Variants in CWF19L2 observed in about 807,000 individuals in gnomAD.
The protein encoded by CWF19L2 is CWF19 like cell cycle control factor 2.
Under a neutral mutation model 111.7 loss-of-function variants are expected in CWF19L2, and 98 were observed. That is an observed-to-expected ratio of 0.88 (90% CI 0.75 to 1.04). CWF19L2 has a LOEUF of 1.04. Among genes scored for constraint, CWF19L2 ranks in the 50% least tolerant of loss-of-function variants. The probability of loss-of-function intolerance (pLI) is 0.00; values close to 1 mark genes in which losing one functional copy is unlikely to be tolerated. For synonymous variants in CWF19L2, 351 were observed against 342.9 expected (o/e 1.02, Z -0.26); for missense variants, 1,101 against 1,051.4 (o/e 1.05, Z -0.65).
chr11:107,416,934 T>C (rs1365175704), intron 9 of CWF19L2, among the ~76,000 whole-genome samples: 3 of 152,212 alleles, frequency 2.0e-5, no homozygotes, highest in Non-Finnish European at 4.4e-5. Context: ...CTTTCAAAGC[T>C]CAAACTTTAC....
chr11:107,389,953 G>T, intron 12 of CWF19L2, 121 bp downstream of exon 12: 1 of 822,308 alleles, frequency 1.2e-6, no homozygotes, highest in Non-Finnish European at 1.9e-6. Context: ...TCTTACAAAG[G>T]ATTTAATTTA....
rs66699460 is a variant in CWF19L2 at position 107,380,046 on chromosome 11, CAAAAAA to C, written c.1872+10022_1872+10027del. On this transcript the variant is annotated intron_variant, in intron 12 of 17. Transcript: ENST00000282251. Reference sequence around the variant, plus strand: ...TGGGCGACAGAGCGAGACACCGTCTCAAAAAAAAAAAAAAAAAAAAAAAAAATCAGA... The same window carrying C: ...TGGGCGACAGAGCGAGACACCGTCTCAAAAAAAAAAAAAAAAAAAATCAGA... Among the ~76,000 whole-genome samples the C allele has an allele frequency of 1.4e-3, 48 of 34,488 alleles. 1 individual carries two copies. The highest frequency in any genetic ancestry group is 4.3e-3 in the African/African-American group (41 of 9,442). The allele number at this position is 34,488 out of a possible 152,430, so 22.6% of individuals were successfully genotyped here. A position where few individuals can be genotyped will look rare whatever the true frequency, so the allele number is the denominator to read the frequency against.
rs1441063814 is a variant in CWF19L2, at chr11:107,428,967, G to A, written c.1265C>T (p.Ser422Phe). 1 of 1,613,344 alleles carries A rather than the reference G, an allele frequency of 6.2e-7. No homozygotes were observed. The highest frequency in any genetic ancestry group is 8.5e-7 in the Non-Finnish European group (1 of 1,179,754). ...SEERLTSWSR[S>F]DGRGDKKHSN... ...ATGTTTCTTGTCTCCTCTCCCATCA[G>A]AGCGACTCCATGATGTTAATCTTTC... Residue 422 changes from serine (S) to phenylalanine (F), a missense_variant, in exon 8 of 18, where the codon TCT becomes TTT. By Grantham distance (155) the Ser-to-Phe change is radical (BLOSUM62 -2). Transcript: ENST00000282251.
rs551692544 is a variant in CWF19L2, at chr11:107,336,580, T to A, written c.2336A>T (p.Asp779Val). 6.2e-7 allele frequency: 1 copy of A among 1,603,402 alleles called. No individual in the cohort carries two copies. The highest frequency in any genetic ancestry group is 8.5e-7 in the Non-Finnish European group (1 of 1,176,368). ...CACCTTAAAATAGATGGGAGCCATG[T>A]CACCCACTTCCTTGGGAAGAGGAAT... ...ECIPLPKEVGDMAPIYFKKAI... is the reference protein window; with the variant it reads ...ECIPLPKEVGVMAPIYFKKAI... The change falls in exon 15 of 18, where the codon GAC becomes GTC. Residue 779 changes from aspartate (D) to valine (V), a missense_variant. Asp to Val is a radical substitution (Grantham distance 152). Transcript: ENST00000282251.
rs556280255 is a variant in CWF19L2 at position 107,352,366 on chromosome 11, G to A, written c.2085+1158C>T. On this transcript the variant is annotated intron_variant, in intron 13 of 17. Coordinates refer to ENST00000282251, the MANE Select transcript of CWF19L2 (RefSeq NM_152434.3). ...CCCCATAAAGCTGTAAGCAACTTGA[G>A]GAGGTTTTAGGCATATTTATATTTC... 3.4e-4 allele frequency among the ~76,000 whole-genome samples: 51 copies of A among 152,138 alleles called. No individual in the cohort carries two copies. In the South Asian group the frequency reaches 6.8e-3, roughly 20 times the overall value.
chr11:107,386,229 G>C (rs991869427), intron 12 of CWF19L2, among the ~76,000 whole-genome samples: 3 of 151,912 alleles, frequency 2.0e-5, no homozygotes, highest in Non-Finnish European at 2.9e-5. Flanking sequence ...GCCCAGACAG[G>C]TCTTGAACTC....
At chr11:107,388,247 C>T (rs1274084519) in intron 12 of CWF19L2, among the ~76,000 whole-genome samples, 1 of 152,158 alleles carries the variant, frequency 6.6e-6, no homozygotes, top group Non-Finnish European at 1.5e-5. Flanking sequence ...TATATTTGTT[C>T]ACTTTCTCAT....
At chr11:107,335,039 G>A in intron 15 of CWF19L2, 78 bp from the exon 16 acceptor site, 1 of 861,950 alleles carries the variant, frequency 1.2e-6, no homozygotes, top group Non-Finnish European at 1.9e-6. Context: ...AAGTAATATA[G>A]CAAATTAATT....
chr11:107,350,224 T>C (rs1292229937), intron 13 of CWF19L2, among the ~76,000 whole-genome samples: 1 of 152,146 alleles, frequency 6.6e-6, no homozygotes, highest in African/African-American at 2.4e-5. Flanking sequence ...TGAGGGCCAA[T>C]TACATGCTGG....
At chr11:107,394,149 A>T (rs534428459) in intron 10 of CWF19L2, among the ~76,000 whole-genome samples, 2 of 152,316 alleles carry the variant, frequency 1.3e-5, no homozygotes, top group East Asian at 3.9e-4. Flanking sequence ...AGAAAAAATC[A>T]ATCCCAATTC....
At chr11:107,384,299 G>C (rs1387705069) in intron 12 of CWF19L2, among the ~76,000 whole-genome samples, 8 of 152,130 alleles carry the variant, frequency 5.3e-5, no homozygotes, top group Admixed American at 2.6e-4. Flanking sequence ...ATTTTAAAAT[G>C]TTTACATATA....
At chr11:107,383,305 T>C (rs1016385293) in intron 12 of CWF19L2, among the ~76,000 whole-genome samples, 1 of 152,064 alleles carries the variant, frequency 6.6e-6, no homozygotes, top group East Asian at 1.9e-4. Context: ...TCAGACACTA[T>C]CTCCAGGTAG....
chr11:107,400,239 T>TG (rs1860981071), intron 10 of CWF19L2, among the ~76,000 whole-genome samples: 5 of 56,122 alleles, frequency 8.9e-5, no homozygotes, highest in Non-Finnish European at 1.7e-4. Context: ...TAAATGAAAT[T>TG]GAAAAAAACA....
At chr11:107,395,481 T>G (rs1289633406) in intron 10 of CWF19L2, among the ~76,000 whole-genome samples, 3 of 152,230 alleles carry the variant, frequency 2.0e-5, no homozygotes, top group African/African-American at 7.2e-5. Flanking sequence ...TTTATTTCAT[T>G]TTTCTATGAT....
intron 4 of CWF19L2, among the ~76,000 whole-genome samples, chr11:107,442,718 G>C (rs1861635662): frequency 7.7e-6 from 1 of 130,182 alleles, no homozygotes; most frequent in Admixed American, 8.1e-5. Flanking sequence ...GAGAGAGAGA[G>C]AGAAAGAGAA....
At chr11:107,431,251 T>G (rs1193825256) in intron 7 of CWF19L2, among the ~76,000 whole-genome samples, 1 of 151,154 alleles carries the variant, frequency 6.6e-6, no homozygotes, top group Non-Finnish European at 1.5e-5. Flanking sequence ...TAACTACCTT[T>G]CCACATAACC....
intron 3 of CWF19L2, among the ~76,000 whole-genome samples, chr11:107,448,809 C>A (rs1316916680): frequency 1.3e-5 from 2 of 152,068 alleles, no homozygotes; most frequent in East Asian, 3.9e-4. Context: ...GGAACTGAAC[C>A]CTCATCAGAC....
At chr11:107,334,586 G>A (rs1314090102) in intron 16 of CWF19L2, among the ~76,000 whole-genome samples, 1 of 152,202 alleles carries the variant, frequency 6.6e-6, no homozygotes, top group Non-Finnish European at 1.5e-5. Context: ...GGGCTGAGAA[G>A]CTCACCACAG....
At chr11:107,420,724 TAAC>T (rs546575866) in intron 8 of CWF19L2, among the ~76,000 whole-genome samples, 33 of 152,128 alleles carry the variant, frequency 2.2e-4, no homozygotes, top group Admixed American at 6.5e-4. Flanking sequence ...AGTAAGACAC[TAAC>T]AACAACAACC....
Sources: gnomAD v4.1 joint callset for allele counts (sites outside exome capture counted in the v4.1 genomes callset) on GRCh38, gnomAD v4.1.1 for gene constraint, MANE v1.5 for transcripts, NCBI Gene and HGNC (gene_info 2026-07-23, HGNC 2026-07-21) for gene names.